NEDD4L: variants seen among roughly 807,000 people sequenced by gnomAD.
NEDD4L encodes the protein NEDD4 like E3 ubiquitin protein ligase.
In NEDD4L, 54 loss-of-function variants were observed where a neutral mutation model predicts 148.9. The ratio of observed to expected loss-of-function variants is 0.36; its 90% CI spans 0.29 to 0.45. The LOEUF (loss-of-function observed/expected upper bound fraction) is 0.45. NEDD4L is among the 20% of genes least tolerant of loss of function. The probability of loss-of-function intolerance (pLI) is 1.00; values close to 1 mark genes in which losing one functional copy is unlikely to be tolerated. For synonymous variants in NEDD4L, 433 were observed against 440.7 expected (o/e 0.98, Z 0.22); for missense variants, 856 against 1,233.8 (o/e 0.69, Z 4.59).
chr18:58,214,815 T>TTTTTTTTGTTGTTTTTG (rs1291603873), intron 2 of NEDD4L, among the ~76,000 whole-genome samples: 1 of 127,124 alleles, frequency 7.9e-6, no homozygotes, highest in Non-Finnish European at 1.7e-5. Flanking sequence ...TTTTTTTTTT[T>TTTTTTTTGTTGTTTTTG]TTGTTGTTGT....
intron 1 of NEDD4L, among the ~76,000 whole-genome samples, chr18:58,068,733 T>C (rs1446768720): frequency 1.3e-5 from 2 of 152,204 alleles, no homozygotes; most frequent in African/African-American, 2.4e-5. Context: ...TAGGAGAGGC[T>C]TGAGAGATGT....
intron 5 of NEDD4L, among the ~76,000 whole-genome samples, chr18:58,279,655 C>T (rs1280178120): frequency 3.3e-5 from 5 of 152,112 alleles, no homozygotes; most frequent in Admixed American, 1.3e-4. Flanking sequence ...GTTTGTAAGC[C>T]GTCTGAGAGC....
chr18:58,231,156 G>A (rs2045149698), intron 2 of NEDD4L, among the ~76,000 whole-genome samples: 1 of 151,368 alleles, frequency 6.6e-6, no homozygotes. Context: ...GGGCTGAGGT[G>A]GGAGAATTGC....
At chr18:58,198,465 G>T (rs1317908744) in intron 2 of NEDD4L, among the ~76,000 whole-genome samples, 3 of 152,170 alleles carry the variant, frequency 2.0e-5, no homozygotes, top group African/African-American at 7.2e-5. Flanking sequence ...TTTAGGGAAT[G>T]GGGCCTATTT....
In NEDD4L at chr18:58,256,262, C is replaced by T; in HGVS notation, c.297+4208C>T. On this transcript the variant is annotated intron_variant, in intron 5 of 30. Coordinates refer to ENST00000400345, the MANE Select transcript of NEDD4L (RefSeq NM_001144967.3). This position sits in a 1 kb window ranked among gnomAD's most constrained non-coding sequence, Gnocchi z 5.2. ...CGACGTGCGCCAGGTGAGGCTGCTG[C>T]CCCTGGGCCCCGATGGCCAGGGCGG... The T allele has an allele frequency of 8.1e-7, 1 of 1,230,986 alleles. No individual in the cohort carries two copies. Among genetic ancestry groups the T allele is most frequent in the African/African-American group, 1.6e-5 (1 of 64,502 alleles). The allele number at this position is 1,230,986 out of a possible 1,614,324, so 76.3% of individuals were successfully genotyped here.
At chr18:58,392,563 C>T (rs759432413) in intron 30 of NEDD4L, among the ~76,000 whole-genome samples, 3 of 152,028 alleles carry the variant, frequency 2.0e-5, no homozygotes, top group Non-Finnish European at 2.9e-5. Context: ...GTACCATTCA[C>T]GTGACTCTCC....
intron 18 of NEDD4L, 72 bp from the exon 19 acceptor site, chr18:58,357,122 C>A: frequency 2.2e-6 from 3 of 1,390,456 alleles, no homozygotes; most frequent in South Asian, 1.3e-5. Flanking sequence ...TACTTCCTTC[C>A]AAAACTTTCT....
intron 6 of NEDD4L, 73 bp from the exon 7 acceptor site, chr18:58,322,352 A>T (rs1414516800): frequency 8.9e-6 from 9 of 1,016,850 alleles, no homozygotes; most frequent in Non-Finnish European, 1.4e-5. Flanking sequence ...ATTCTCTGTA[A>T]TCCAGTTGCC....
chr18:58,187,341 G>A (rs909213032), intron 2 of NEDD4L, among the ~76,000 whole-genome samples: 7 of 152,210 alleles, frequency 4.6e-5, no homozygotes, highest in Admixed American at 2.0e-4. Context: ...AACCAGGCAG[G>A]TGGGGTACTG....
At chr18:58,281,765 C>G (rs531868902) in intron 5 of NEDD4L, among the ~76,000 whole-genome samples, 53 of 152,096 alleles carry the variant, frequency 3.5e-4, no homozygotes, top group African/African-American at 1.2e-3. Flanking sequence ...GTGGCTCACA[C>G]CTGTGATCCC....
At chr18:58,162,760 T>C (rs1165510202) in intron 1 of NEDD4L, among the ~76,000 whole-genome samples, 1 of 152,034 alleles carries the variant, frequency 6.6e-6, no homozygotes, top group Non-Finnish European at 1.5e-5. Context: ...TGCATTAAAA[T>C]TTTTTAGAAA....
At chr18:58,165,672 T>C in intron 1 of NEDD4L, 116 bp from the exon 2 acceptor site, 1 of 1,529,756 alleles carries the variant, frequency 6.5e-7, no homozygotes, top group Non-Finnish European at 8.9e-7. Flanking sequence ...CTCGAATTGA[T>C]TTGTTCTGTA....
intron 1 of NEDD4L, among the ~76,000 whole-genome samples, chr18:58,160,619 T>C (rs1383784234): frequency 6.6e-6 from 1 of 152,220 alleles, no homozygotes; most frequent in Non-Finnish European, 1.5e-5. Context: ...ATATCACACA[T>C]AGATTTTATG....
chr18:58,140,444 C>G (rs141882900), intron 1 of NEDD4L, among the ~76,000 whole-genome samples: 1 of 152,240 alleles, frequency 6.6e-6, no homozygotes, highest in African/African-American at 2.4e-5. Context: ...CAGGTTGCTT[C>G]CTTCATAGTA....
At chr18:58,359,261 T>C (rs1410860281) in intron 19 of NEDD4L, among the ~76,000 whole-genome samples, 1 of 152,238 alleles carries the variant, frequency 6.6e-6, no homozygotes, top group African/African-American at 2.4e-5. Context: ...TTTATCTTCT[T>C]TCTTGCCTTT....
chr18:58,382,637 G>T (rs1330219757), intron 24 of NEDD4L, among the ~76,000 whole-genome samples: 2 of 152,192 alleles, frequency 1.3e-5, no homozygotes, highest in Admixed American at 6.5e-5. Flanking sequence ...AGAAAGGGCT[G>T]CCCTGATTGC....
At chr18:58,296,885 G>A (rs2089481169) in intron 5 of NEDD4L, among the ~76,000 whole-genome samples, 1 of 152,124 alleles carries the variant, frequency 6.6e-6, no homozygotes, top group South Asian at 2.1e-4. Context: ...TCGTGCCACT[G>A]CACTCCAGCC....
intron 2 of NEDD4L, among the ~76,000 whole-genome samples, chr18:58,239,413 A>G (rs1386641923): frequency 3.9e-5 from 6 of 152,218 alleles, no homozygotes; most frequent in Non-Finnish European, 7.3e-5. Flanking sequence ...GCAGGTAGAC[A>G]AGGCAGGGTG....
intron 5 of NEDD4L, among the ~76,000 whole-genome samples, chr18:58,253,510 C>G (rs2048160413): frequency 6.6e-6 from 1 of 152,144 alleles, no homozygotes; most frequent in Non-Finnish European, 1.5e-5. Flanking sequence ...ATGAGAGATT[C>G]TGCTGAGGGT....
Sources: gnomAD v4.1 joint callset for allele counts (sites outside exome capture counted in the v4.1 genomes callset) on GRCh38, gnomAD v4.1.1 for gene constraint, Gnocchi (gnomAD v3.1) non-coding constraint, MANE v1.5 for transcripts, NCBI Gene and HGNC (gene_info 2026-07-23, HGNC 2026-07-21) for gene names.